BANP: variants seen among roughly 807,000 people sequenced by gnomAD.
BANP encodes BTG3 associated nuclear protein.
Under a neutral mutation model 68.1 loss-of-function variants are expected in BANP, and 11 were observed. The observed-to-expected ratio is 0.16, with a 90% CI of 0.10 to 0.27. The LOEUF (loss-of-function observed/expected upper bound fraction) is 0.27. Among genes scored for constraint, BANP ranks in the 10% least tolerant of loss-of-function variants. The probability of loss-of-function intolerance (pLI) is 1.00; values close to 1 mark genes in which losing one functional copy is unlikely to be tolerated. For missense variants in BANP, 504 were observed against 722.7 expected, an observed-to-expected ratio of 0.70 and a Z score of 3.47; for synonymous variants, 329 against 303.2, an observed-to-expected ratio of 1.09 and a Z score of -0.88.
rs2069934255 is a variant in BANP at position 88,003,141 on chromosome 16, C to CTA, written c.363-1151_363-1150dup. Among the ~76,000 whole-genome samples, 1 of 152,210 alleles carries CTA rather than the reference C, an allele frequency of 6.6e-6. No individual in the cohort carries two copies. Among genetic ancestry groups the CTA allele is most frequent in the Admixed American group, 6.5e-5 (1 of 15,290 alleles). ...ACCTGGGTTACTTTCCATACCTGACCTATAGGTCATTTGTCAGGTTTTGCT... is the reference window on the plus strand; with the variant it reads ...ACCTGGGTTACTTTCCATACCTGACCTATATAGGTCATTTGTCAGGTTTTGCT... On this transcript the variant is annotated intron_variant, in intron 4 of 13. Transcript: ENST00000682872. This position sits in a 1 kb window ranked among gnomAD's most constrained non-coding sequence, Gnocchi z 6.1.
intron 4 of BANP, among the ~76,000 whole-genome samples, chr16:87,985,038 C>T (rs1349191399): frequency 6.6e-6 from 1 of 151,908 alleles, no homozygotes; most frequent in East Asian, 1.9e-4. Context: ...GCAGCGGGGG[C>T]GCCGGGGAGG....
chr16:87,967,684 C>T (rs973098166), intron 1 of BANP, among the ~76,000 whole-genome samples: 65 of 146,952 alleles, frequency 4.4e-4, no homozygotes, highest in African/African-American at 1.5e-3. Context: ...TGCAGTGGCG[C>T]AGTCTTGGCT....
chr16:87,959,850 G>A (rs891255829), intron 1 of BANP: 1 of 152,894 alleles, frequency 6.5e-6, no homozygotes, highest in African/African-American at 2.4e-5. Context: ...GGGCCGCAGG[G>A]AGGTGGCCGG....
intron 6 of BANP, among the ~76,000 whole-genome samples, chr16:88,015,255 G>A (rs1343659981): frequency 7.2e-6 from 1 of 139,410 alleles, no homozygotes; most frequent in African/African-American, 2.8e-5. Flanking sequence ...CGTCTCCTCT[G>A]TCCCTCTGTC....
chr16:87,988,196 GAA>G (rs2064958568), intron 4 of BANP, among the ~76,000 whole-genome samples: 2 of 152,142 alleles, frequency 1.3e-5, no homozygotes, highest in African/African-American at 2.4e-5. Context: ...CATTGAAAAG[GAA>G]AAGTCTCCAA....
chr16:88,017,837 C>T (rs1316180986), intron 6 of BANP, among the ~76,000 whole-genome samples: 6 of 152,210 alleles, frequency 3.9e-5, no homozygotes, highest in Admixed American at 6.5e-5. Context: ...CACCTGAATG[C>T]GCTGCTCTGG....
chr16:87,991,550 G>A (rs926052694), intron 4 of BANP, among the ~76,000 whole-genome samples: 3 of 152,190 alleles, frequency 2.0e-5, no homozygotes, highest in African/African-American at 7.2e-5. Context: ...CTCCATTTAT[G>A]GAGGTCTTTA....
At chr16:87,998,414 G>A (rs1372812454) in intron 4 of BANP, among the ~76,000 whole-genome samples, 2 of 150,002 alleles carry the variant, frequency 1.3e-5, no homozygotes, top group African/African-American at 2.4e-5. Flanking sequence ...CTCTGCGTGG[G>A]CTGCTGTCTG....
chr16:88,007,819 T>C (rs2071691226), intron 6 of BANP, among the ~76,000 whole-genome samples: 1 of 151,860 alleles, frequency 6.6e-6, no homozygotes, highest in Non-Finnish European at 1.5e-5. Context: ...GATGGCAGAA[T>C]GGAGGGAAGA....
At chr16:88,054,545 C>T (rs2084474307) in intron 11 of BANP, among the ~76,000 whole-genome samples, 1 of 152,074 alleles carries the variant, frequency 6.6e-6, no homozygotes, top group Non-Finnish European at 1.5e-5. Context: ...TTGCCCTTAC[C>T]TCCGCCACCC....
At chr16:88,047,197 G>T (rs988649501) in intron 11 of BANP, among the ~76,000 whole-genome samples, 1 of 152,220 alleles carries the variant, frequency 6.6e-6, no homozygotes, top group Non-Finnish European at 1.5e-5. Flanking sequence ...AGCTCCCGGG[G>T]CTGCCAGGAG....
chr16:87,960,989 A>G (rs2059016871), intron 1 of BANP, among the ~76,000 whole-genome samples: 1 of 152,194 alleles, frequency 6.6e-6, no homozygotes, highest in Non-Finnish European at 1.5e-5. Context: ...GCTAATGCTG[A>G]TGAACCGTAT....
chr16:88,029,240 G>A (rs1338464782), intron 8 of BANP, among the ~76,000 whole-genome samples: 14 of 144,906 alleles, frequency 9.7e-5, no homozygotes, highest in Non-Finnish European at 3.0e-5. Context: ...CCAGGAGGCA[G>A]AGGTTGCAGT....
At chr16:88,017,639 G>T (rs1176624646) in intron 6 of BANP, among the ~76,000 whole-genome samples, 4 of 152,212 alleles carry the variant, frequency 2.6e-5, no homozygotes, top group African/African-American at 9.6e-5. Flanking sequence ...GTGTGGAGGG[G>T]CTGGCGGGCG....
Position 88,004,962 on chromosome 16 carries a change from C to G in BANP, c.479+551C>G, listed in dbSNP as rs1156239357. On this transcript the variant is annotated intron_variant, in intron 5 of 13. Transcript: ENST00000682872. The surrounding 1 kb of genome is among the most constrained non-coding windows in gnomAD (Gnocchi z 7.0). ...CTGGCTGGCATCCAAGCCCTGCTGT[C>G]CCCAGGAGTGCCCCTGGGGCTGCGT... is the stretch of plus-strand genomic sequence containing the variant. Among the ~76,000 whole-genome samples, 1 of 152,194 alleles carries G rather than the reference C, an allele frequency of 6.6e-6. No individual in the cohort carries two copies. Among genetic ancestry groups the G allele is most frequent in the African/African-American group, 2.4e-5 (1 of 41,438 alleles).
At chr16:87,973,614 C>G (rs1486468886) in intron 1 of BANP, among the ~76,000 whole-genome samples, 1 of 152,094 alleles carries the variant, frequency 6.6e-6, no homozygotes, top group East Asian at 1.9e-4. Context: ...AGAAAATTAG[C>G]TGGGTGTGGT....
At position 88,023,010 on chromosome 16, in the gene BANP, C is replaced by T. The variant is rs532053919; in HGVS notation, c.895+4343C>T. 5.3e-5 allele frequency among the ~76,000 whole-genome samples: 8 copies of T among 152,296 alleles called. No homozygotes were observed. In the South Asian group the frequency reaches 1.2e-3, roughly 24 times the overall value. ...ACTGTTCAGCCCAGGACACAGGACA[C>T]GGGTGGTCAGGTGCTGTCTCTTCTC... is the stretch of plus-strand genomic sequence containing the variant. On this transcript the variant is annotated intron_variant, in intron 7 of 13. Transcript: ENST00000682872.
intron 10 of BANP, among the ~76,000 whole-genome samples, chr16:88,035,649 A>G (rs1336703473): frequency 4.6e-5 from 7 of 151,968 alleles, no homozygotes; most frequent in East Asian, 4.1e-4. Flanking sequence ...AGATGTTTCT[A>G]CTGCTGGCTG....
chr16:88,018,304 G>C lies in BANP; in HGVS notation c.656-124G>C. The C allele has an allele frequency of 8.0e-7, 1 of 1,254,852 alleles. No individual in the cohort carries two copies. Among genetic ancestry groups the C allele is most frequent in the Non-Finnish European group, 1.1e-6 (1 of 907,240 alleles). 77.7% of individuals were successfully genotyped at this position (1,254,852 alleles called of 1,614,324 possible). ...TCTTGGTGACTGCCTCACAAGTTAC[G>C]AGGGATTTGCCCAGCCCTGCGTGGA... On this transcript the variant is annotated intron_variant, in intron 6 of 13. Transcript: ENST00000682872. The surrounding 1 kb of genome is among the most constrained non-coding windows in gnomAD (Gnocchi z 7.7).
Sources: allele counts gnomAD v4.1 joint callset (sites outside exome capture counted in the v4.1 genomes callset), GRCh38; gene constraint gnomAD v4.1.1; non-coding constraint Gnocchi (gnomAD v3.1); transcripts MANE v1.5; gene names NCBI Gene and HGNC (gene_info 2026-07-23, HGNC 2026-07-21).